The following ROBO2 variants were observed in gnomAD, a reference collection of about 807,000 sequenced individuals.
ROBO2 encodes the protein roundabout guidance receptor 2.
A neutral mutation model predicts 160.8 loss-of-function variants in ROBO2; 53 were observed. That is an observed-to-expected ratio of 0.33 (90% CI 0.26 to 0.41). ROBO2 has a LOEUF of 0.41. Among genes scored for constraint, ROBO2 ranks in the 10% least tolerant of loss-of-function variants. The pLI is 1.00. For synonymous variants in ROBO2, 664 were observed against 611.7 expected, an observed-to-expected ratio of 1.09 and a Z score of -1.26; for missense variants, 1,577 against 1,722.4, an observed-to-expected ratio of 0.92 and a Z score of 1.49.
At chr3:77,576,546 T>C (rs1444928478) in intron 14 of ROBO2, among the ~76,000 whole-genome samples, 1 of 152,134 alleles carries the variant, frequency 6.6e-6, no homozygotes, top group Non-Finnish European at 1.5e-5. Context: ...TGAGAATAGA[T>C]GAATTTTTCC....
chr3:76,655,602 G>A (rs1443426589), intron 2 of ROBO2, among the ~76,000 whole-genome samples: 1 of 147,486 alleles, frequency 6.8e-6, no homozygotes, highest in Admixed American at 6.9e-5. Context: ...TTTGAGTTAG[G>A]GTATGGATTC....
intron 2 of ROBO2, among the ~76,000 whole-genome samples, chr3:77,429,436 G>C (rs1581870578): frequency 6.6e-6 from 1 of 152,074 alleles, no homozygotes; most frequent in Non-Finnish European, 1.5e-5. Context: ...CCTCAGACTT[G>C]ATTGGAAATT....
chr3:77,297,878 G>C (rs1023244114), intron 2 of ROBO2, among the ~76,000 whole-genome samples: 2 of 152,122 alleles, frequency 1.3e-5, no homozygotes, highest in African/African-American at 4.8e-5. Context: ...ACTTTGTCCG[G>C]GATAGAAGGC....
At chr3:76,252,119 G>T (rs1048294171) in intron 2 of ROBO2, among the ~76,000 whole-genome samples, 1 of 151,910 alleles carries the variant, frequency 6.6e-6, no homozygotes, top group Admixed American at 6.6e-5. Flanking sequence ...AATTCATGAG[G>T]TATCAGCTAT....
chr3:76,767,197 C>T (rs573682924), intron 2 of ROBO2, among the ~76,000 whole-genome samples: 42 of 151,436 alleles, frequency 2.8e-4, no homozygotes, highest in Admixed American at 5.3e-4. Flanking sequence ...CCTTTTAGTA[C>T]GTGAAGTTCA....
chr3:76,844,429 T>A (rs960828188), intron 2 of ROBO2, among the ~76,000 whole-genome samples: 1 of 151,910 alleles, frequency 6.6e-6, no homozygotes, highest in Non-Finnish European at 1.5e-5. Flanking sequence ...GGAGAAATGG[T>A]TTCTCACTTC....
intron 2 of ROBO2, among the ~76,000 whole-genome samples, chr3:77,455,230 G>C (rs2081504966): frequency 6.6e-6 from 1 of 152,074 alleles, no homozygotes; most frequent in African/African-American, 2.4e-5. Context: ...ATACCTTTGA[G>C]AAGGAAATAC....
At chr3:77,205,167 T>C (rs62251833) in intron 2 of ROBO2, among the ~76,000 whole-genome samples, 27,197 of 152,160 alleles carry the variant, frequency 0.18, 2,657 homozygotes, top group Middle Eastern at 0.27. Flanking sequence ...GGCAGAGGGC[T>C]AGTGTGACAG....
chr3:76,171,439 GT>G (rs906645656), intron 2 of ROBO2, among the ~76,000 whole-genome samples: 13 of 151,400 alleles, frequency 8.6e-5, no homozygotes, highest in Non-Finnish European at 1.9e-4. Flanking sequence ...GAGTTGTTTT[GT>G]TTTTTGTTGT....
At chr3:76,271,252 T>C (rs1267423782) in intron 2 of ROBO2, among the ~76,000 whole-genome samples, 1 of 152,076 alleles carries the variant, frequency 6.6e-6, no homozygotes, top group Non-Finnish European at 1.5e-5. Flanking sequence ...TTAAATTTTC[T>C]TCTTCTTTGA....
intron 5 of ROBO2, among the ~76,000 whole-genome samples, chr3:77,509,314 G>T (rs183947203): frequency 6.6e-6 from 1 of 152,152 alleles, no homozygotes; most frequent in East Asian, 1.9e-4. Context: ...AGGAAAAGCA[G>T]CAAGTTCCCC....
exon 2 of ROBO2, chr3:77,098,228 C>G: frequency 6.2e-7 from 1 of 1,614,194 alleles, no homozygotes; most frequent in Non-Finnish European, 8.5e-7. Flanking sequence ...CCTTATTCTT[C>G]TTGCGCATCG....
chr3:77,555,051 T>C (rs1309038897), intron 8 of ROBO2, among the ~76,000 whole-genome samples: 1 of 151,958 alleles, frequency 6.6e-6, no homozygotes, highest in East Asian at 1.9e-4. Flanking sequence ...ACCACCACCC[T>C]GGTCAGTTAG....
intron 2 of ROBO2, among the ~76,000 whole-genome samples, chr3:76,551,771 A>T (rs1439289707): frequency 6.6e-6 from 1 of 152,070 alleles, no homozygotes; most frequent in Non-Finnish European, 1.5e-5. Flanking sequence ...ATCAGATCCA[A>T]CTGCAGCCTT....
intron 2 of ROBO2, among the ~76,000 whole-genome samples, chr3:76,075,089 A>C (rs2068600887): frequency 6.6e-6 from 1 of 152,008 alleles, no homozygotes; most frequent in African/African-American, 2.4e-5. Flanking sequence ...TATCCTGCTG[A>C]GTTCTTTGTT....
intron 4 of ROBO2, among the ~76,000 whole-genome samples, chr3:77,486,016 G>A (rs1343877882): frequency 6.6e-6 from 1 of 152,150 alleles, no homozygotes; most frequent in African/African-American, 2.4e-5. Flanking sequence ...CCACTTATAA[G>A]TAAGAACACG....
chr3:76,793,197 T>C (rs1000660936), intron 2 of ROBO2, among the ~76,000 whole-genome samples: 16 of 151,860 alleles, frequency 1.1e-4, no homozygotes, highest in Admixed American at 9.2e-4. Flanking sequence ...AATTAAGATA[T>C]AAGCAGCACA....
intron 2 of ROBO2, among the ~76,000 whole-genome samples, chr3:76,765,457 C>G (rs1256798102): frequency 6.6e-6 from 1 of 151,508 alleles, no homozygotes; most frequent in Non-Finnish European, 1.5e-5. Context: ...ATGTCTCCTC[C>G]CATTGAATCT....
intron 2 of ROBO2, among the ~76,000 whole-genome samples, chr3:76,059,867 T>C (rs956615264): frequency 6.6e-6 from 1 of 152,216 alleles, no homozygotes; most frequent in African/African-American, 2.4e-5. Flanking sequence ...TTTCTACATA[T>C]GGCTAGCCAG....
Sources: allele counts gnomAD v4.1 joint callset (sites outside exome capture counted in the v4.1 genomes callset), GRCh38; gene constraint gnomAD v4.1.1; transcripts MANE v1.5; gene names NCBI Gene and HGNC (gene_info 2026-07-23, HGNC 2026-07-21).